Variants in LMBRD1 observed in about 807,000 individuals in gnomAD.
LMBRD1 encodes the protein LMBR1 domain containing 1.
A neutral mutation model predicts 74.8 loss-of-function variants in LMBRD1; 64 were observed. That is an observed-to-expected ratio of 0.86 (90% CI 0.70 to 1.05). LMBRD1 has a LOEUF of 1.05. Among genes scored for constraint, LMBRD1 ranks in the 50% least tolerant of loss-of-function variants. LMBRD1 has a pLI of 0.00. For synonymous variants in LMBRD1, 204 were observed against 216.3 expected (o/e 0.94, Z 0.50); for missense variants, 652 against 645.9 (o/e 1.01, Z -0.10).
intron 3 of LMBRD1, among the ~76,000 whole-genome samples, chr6:69,760,471 G>A (rs1226801035): frequency 6.6e-6 from 1 of 152,066 alleles, no homozygotes; most frequent in Admixed American, 6.6e-5. Context: ...GAAAAACACA[G>A]GAGACTTCAA....
chr6:69,757,586 A>G (rs1274481455), intron 3 of LMBRD1, among the ~76,000 whole-genome samples: 1 of 152,238 alleles, frequency 6.6e-6, no homozygotes, highest in East Asian at 1.9e-4. Context: ...AATTAAATGA[A>G]CATTTATTTT....
intron 14 of LMBRD1, among the ~76,000 whole-genome samples, chr6:69,684,453 C>T (rs1765721791): frequency 6.6e-6 from 1 of 151,782 alleles, no homozygotes; most frequent in Non-Finnish European, 1.5e-5. Flanking sequence ...GATTTCTTAC[C>T]AGTTAAAATG....
chr6:69,686,479 A>G (rs1765766331), intron 14 of LMBRD1, among the ~76,000 whole-genome samples: 1 of 152,258 alleles, frequency 6.6e-6, no homozygotes, highest in South Asian at 2.1e-4. Context: ...GAAAAAAGAA[A>G]TGTATAACCT....
Position 69,697,674 on chromosome 6 carries a change from A to G in LMBRD1, c.1339-33T>C, listed in dbSNP as rs1263282554. ...ATAAAAATACAGTTAAAATATAAAA[A>G]CCGCATTAATAAATACATTTGGATT... On this transcript the variant is annotated intron_variant, in intron 13 of 15. Coordinates refer to ENST00000649934, the MANE Select transcript of LMBRD1 (RefSeq NM_018368.4). 15 of 1,262,698 alleles carry G rather than the reference A, an allele frequency of 1.2e-5. No individual in the cohort carries two copies. In the Admixed American group the frequency reaches 2.0e-4, roughly 17 times the overall value. 78.2% of individuals were successfully genotyped at this position (1,262,698 alleles called of 1,614,324 possible).
At chr6:69,717,502 T>G (rs1232213661) in intron 8 of LMBRD1, among the ~76,000 whole-genome samples, 3 of 152,186 alleles carry the variant, frequency 2.0e-5, no homozygotes, top group Admixed American at 6.5e-5. Flanking sequence ...TTTAAAAAAA[T>G]GTAACTACAA....
intron 3 of LMBRD1, among the ~76,000 whole-genome samples, chr6:69,755,285 G>A (rs1194846564): frequency 4.6e-5 from 7 of 152,138 alleles, no homozygotes; most frequent in African/African-American, 9.7e-5. Context: ...TTGCAGGGAC[G>A]TGGATGAAGC....
chr6:69,676,274 G>A lies in LMBRD1; in HGVS notation c.1510-3C>T. On this transcript the variant is annotated splice_region_variant and splice_polypyrimidine_tract_variant and intron_variant, in intron 15 of 15. Coordinates refer to ENST00000649934, the MANE Select transcript of LMBRD1 (RefSeq NM_018368.4). ...ACAATTAATCCAATCAAAAATACCT[G>A]TAAATTTAAATAAGCCATGTGTTAT... 2 of 1,611,856 alleles carry A rather than the reference G, an allele frequency of 1.2e-6. No individual in the cohort carries two copies. Among genetic ancestry groups the A allele is most frequent in the Non-Finnish European group, 1.7e-6 (2 of 1,178,758 alleles).
At chr6:69,770,367 C>CT (rs1765553188) in intron 3 of LMBRD1, among the ~76,000 whole-genome samples, 1 of 152,194 alleles carries the variant, frequency 6.6e-6, no homozygotes, top group South Asian at 2.1e-4. Flanking sequence ...ACCACTGTCC[C>CT]TTAGCAGTTT....
chr6:69,761,683 G>T (rs1765376643), intron 3 of LMBRD1, among the ~76,000 whole-genome samples: 1 of 152,132 alleles, frequency 6.6e-6, no homozygotes, highest in African/African-American at 2.4e-5. Flanking sequence ...TTATAACTGT[G>T]TAATTCAATA....
chr6:69,777,306 A>T (rs1013826713), intron 3 of LMBRD1, among the ~76,000 whole-genome samples: 4 of 151,980 alleles, frequency 2.6e-5, no homozygotes, highest in African/African-American at 9.7e-5. Context: ...ACAAAAAATT[A>T]TCCGGGCGTG....
intron 5 of LMBRD1, 112 bp from the exon 6 acceptor site, chr6:69,741,989 T>C (rs1562108015): frequency 1.2e-5 from 8 of 682,844 alleles, no homozygotes; most frequent in East Asian, 2.8e-5. Flanking sequence ...AAATCTGTAC[T>C]ATGCACAGAG....
intron 3 of LMBRD1, among the ~76,000 whole-genome samples, chr6:69,765,120 A>G (rs200409716): frequency 5.9e-5 from 9 of 151,686 alleles, no homozygotes; most frequent in Non-Finnish European, 1.0e-4. Context: ...TAGTAGAGAC[A>G]GGGTTTCACC....
intron 3 of LMBRD1, among the ~76,000 whole-genome samples, chr6:69,776,784 T>C (rs1188238493): frequency 2.0e-5 from 3 of 152,196 alleles, no homozygotes; most frequent in Admixed American, 6.5e-5. Flanking sequence ...TTTTTAGTAA[T>C]AGATTCACAG....
chr6:69,724,723 T>G (rs1435317987), intron 7 of LMBRD1, among the ~76,000 whole-genome samples: 1 of 151,646 alleles, frequency 6.6e-6, no homozygotes, highest in East Asian at 2.0e-4. Flanking sequence ...TATACCTCAA[T>G]GTAATAAAAG....
At chr6:69,695,586 A>G (rs1562087247) in intron 14 of LMBRD1, among the ~76,000 whole-genome samples, 1 of 152,160 alleles carries the variant, frequency 6.6e-6, no homozygotes, top group Non-Finnish European at 1.5e-5. Flanking sequence ...ATTACTTATA[A>G]CACCTAATAC....
intron 5 of LMBRD1, 70 bp from the exon 6 acceptor site, chr6:69,741,947 A>C (rs576357557): frequency 1.1e-6 from 1 of 885,560 alleles, no homozygotes; most frequent in African/African-American, 1.7e-5. Flanking sequence ...TTTGAAACTC[A>C]AATTATTTTT....
rs780002360 is a variant in LMBRD1, at chr6:69,676,219, A to G, written c.1562T>C (p.Ile521Thr). ...GTCTGAATCTTCATCTACTCCTTCA[A>G]TAACCGATTTCTTCCCTTTACAACA... is the stretch of plus-strand genomic sequence containing the variant. ...VSCCKGKKSV[I>T]EGVDEDSDIS... Residue 521 changes from isoleucine to threonine, a missense_variant, in exon 16 of 16, where the codon ATT becomes ACT. By Grantham distance (89) the Ile-to-Thr change is moderately conservative (BLOSUM62 -1). Around this residue, in one of 3 missense-constraint regions of LMBRD1, gnomAD observed 51 missense variants for 46.9 expected, o/e 1.09. Transcript: ENST00000649934. 2.5e-6 allele frequency: 4 copies of G among 1,613,498 alleles called. No homozygotes were observed. The highest frequency in any genetic ancestry group is 1.1e-5 in the South Asian group (1 of 91,078).
intron 7 of LMBRD1, among the ~76,000 whole-genome samples, chr6:69,734,176 G>A (rs1043765045): frequency 1.3e-5 from 2 of 152,100 alleles, no homozygotes; most frequent in Non-Finnish European, 2.9e-5. Flanking sequence ...CTGTTACATC[G>A]GAATCTCTCC....
chr6:69,774,655 C>T (rs1254685482), intron 3 of LMBRD1, among the ~76,000 whole-genome samples: 2 of 151,930 alleles, frequency 1.3e-5, no homozygotes, highest in African/African-American at 4.8e-5. Context: ...ACACAGACAA[C>T]ATAAGGGATA....
Sources: gnomAD v4.1 joint callset for allele counts (sites outside exome capture counted in the v4.1 genomes callset) on GRCh38, gnomAD v4.1.1 for gene constraint, gnomAD v4.1.1 regional missense constraint, MANE v1.5 for transcripts, NCBI Gene and HGNC (gene_info 2026-07-23, HGNC 2026-07-21) for gene names.